The following KANK1 variants were observed in gnomAD, a reference collection of about 807,000 sequenced individuals.
KANK1 encodes the protein KN motif and ankyrin repeat domains 1, also known as KN motif and ankyrin repeat domain-containing protein 1.
Under a neutral mutation model 106.2 loss-of-function variants are expected in KANK1, and 109 were observed. The observed-to-expected ratio is 1.03, with a 90% CI of 0.88 to 1.20. The LOEUF is 1.20. Among genes scored for constraint, KANK1 ranks in the 50% most tolerant of loss-of-function variants. KANK1 has a pLI of 0.00. For missense variants in KANK1, 2,399 were observed against 1,710.7 expected, an observed-to-expected ratio of 1.40 and a Z score of -7.10; for synonymous variants, 873 against 652.2, an observed-to-expected ratio of 1.34 and a Z score of -5.16.
At chr9:679,050 A>C (rs1398118551) in intron 2 of KANK1, among the ~76,000 whole-genome samples, 1 of 152,136 alleles carries the variant, frequency 6.6e-6, no homozygotes, top group Non-Finnish European at 1.5e-5. Context: ...CCTGAGATCT[A>C]ATAAGCAAGC....
At chr9:696,133 A>C (rs1400427234) in intron 2 of KANK1, among the ~76,000 whole-genome samples, 1 of 151,882 alleles carries the variant, frequency 6.6e-6, no homozygotes, top group African/African-American at 2.4e-5. Flanking sequence ...AAATACAAAA[A>C]ATTAGCCGGG....
At chr9:512,305 G>C (rs891349188) in intron 1 of KANK1, among the ~76,000 whole-genome samples, 6 of 151,878 alleles carry the variant, frequency 4.0e-5, no homozygotes, top group African/African-American at 1.5e-4. Context: ...TATTCAGTTT[G>C]GAGGCGGGCT....
chr9:592,492 C>A (rs990917380), intron 1 of KANK1, among the ~76,000 whole-genome samples: 9 of 151,850 alleles, frequency 5.9e-5, no homozygotes, highest in Admixed American at 5.2e-4. Context: ...ATCCCCTAGT[C>A]CGCTCTTTCA....
In KANK1 at chr9:732,526, G is replaced by A; in HGVS notation, c.3154G>A (p.Ala1052Thr). ...TCGGGGAATGGCAGAAGGGCACCAT[G>A]CAGTTAATATTGAAGGTTTGAAGTC... is the stretch of plus-strand genomic sequence containing the variant. ...DTRGMAEGHH[A>T]VNIEGLKSAR... Residue 1052 changes from alanine to threonine, a missense_variant, in exon 6 of 12, where the codon GCA (alanine) becomes ACA (threonine). Transcript: ENST00000382297. 1 of 1,614,172 alleles carries A rather than the reference G, an allele frequency of 6.2e-7. No homozygotes were observed. The highest frequency in any genetic ancestry group is 1.1e-5 in the South Asian group (1 of 91,070).
chr9:544,228 C>T (rs1187164655), intron 1 of KANK1, among the ~76,000 whole-genome samples: 4 of 151,888 alleles, frequency 2.6e-5, no homozygotes, highest in Non-Finnish European at 5.9e-5. Flanking sequence ...GCCATGTTGC[C>T]CAGACTGGTC....
chr9:621,289 A>C (rs1833087969), intron 1 of KANK1, among the ~76,000 whole-genome samples: 1 of 152,200 alleles, frequency 6.6e-6, no homozygotes, highest in South Asian at 2.1e-4. Context: ...AGCTCTGCCA[A>C]AATTACATCA....
rs377332284 is a variant in KANK1 at position 507,162 on chromosome 9, C to T, written c.-84+2408C>T. 5.7e-5 allele frequency among the ~76,000 whole-genome samples: 8 copies of T among 140,600 alleles called. No individual in the cohort carries two copies. In the East Asian group the frequency reaches 8.1e-4, roughly 14 times the overall value. 92.2% of individuals were successfully genotyped at this position (140,600 alleles called of 152,430 possible). ...TTTTTTTTTTTTTGGTAATTTAGAA[C>T]ATTGACATAGCGAGACTCCGTCTCT... On this transcript the variant is annotated intron_variant, in intron 1 of 11. Coordinates refer to ENST00000382297, the MANE Select transcript of KANK1 (RefSeq NM_015158.5).
chr9:564,898 A>T (rs2134550873), intron 1 of KANK1, among the ~76,000 whole-genome samples: 1 of 152,326 alleles, frequency 6.6e-6, no homozygotes, highest in South Asian at 2.1e-4. Flanking sequence ...TCTGGTCCAC[A>T]CAGGTGACTG....
intron 1 of KANK1, among the ~76,000 whole-genome samples, chr9:575,508 GAAA>G (rs36033779): frequency 5.5e-5 from 7 of 128,312 alleles, no homozygotes; most frequent in Admixed American, 7.9e-5. Flanking sequence ...TCTCTACAGG[GAAA>G]AAAAAAAAAA....
chr9:689,300 G>C (rs1407062961), intron 2 of KANK1, among the ~76,000 whole-genome samples: 1 of 152,160 alleles, frequency 6.6e-6, no homozygotes, highest in Non-Finnish European at 1.5e-5. Context: ...AGGATAAGAA[G>C]ACAGAAGACT....
intron 3 of KANK1, among the ~76,000 whole-genome samples, chr9:716,916 G>C (rs188483943): frequency 6.6e-6 from 1 of 151,844 alleles, no homozygotes; most frequent in African/African-American, 2.4e-5. Flanking sequence ...AGGTTGATTT[G>C]AGGCTGCAGT....
chr9:704,908 A>G (rs1208922211), intron 2 of KANK1, among the ~76,000 whole-genome samples: 1 of 148,488 alleles, frequency 6.7e-6, no homozygotes, highest in Admixed American at 6.9e-5. Context: ...CGGGAGGATC[A>G]CTTGAGCCCA....
intron 3 of KANK1, among the ~76,000 whole-genome samples, chr9:492,444 CCT>C (rs999627457): frequency 2.6e-5 from 4 of 152,096 alleles, no homozygotes; most frequent in Admixed American, 6.6e-5. Context: ...GTTACTTAAA[CCT>C]CTCTGTGCTT....
At chr9:639,886 C>G (rs903446573) in intron 1 of KANK1, among the ~76,000 whole-genome samples, 6 of 152,148 alleles carry the variant, frequency 3.9e-5, no homozygotes, top group African/African-American at 1.4e-4. Flanking sequence ...GGCAAAAGAG[C>G]TAACAAGCTT....
chr9:584,156 A>C (rs1337358031), intron 1 of KANK1, among the ~76,000 whole-genome samples: 1 of 152,228 alleles, frequency 6.6e-6, no homozygotes, highest in Admixed American at 6.5e-5. Flanking sequence ...GGAATTTATT[A>C]AAATGGATTA....
intron 1 of KANK1, among the ~76,000 whole-genome samples, chr9:510,083 G>A (rs1409756992): frequency 6.6e-6 from 1 of 151,924 alleles, no homozygotes; most frequent in Non-Finnish European, 1.5e-5. Context: ...AAAGTGCTGG[G>A]ATTACAGGTG....
At chr9:682,108 C>T (rs1007113456) in intron 2 of KANK1, among the ~76,000 whole-genome samples, 5 of 151,758 alleles carry the variant, frequency 3.3e-5, no homozygotes, top group East Asian at 3.9e-4. Context: ...GGTGAAAACC[C>T]GTCTCTACTA....
intron 6 of KANK1, 136 bp from the exon 7 acceptor site, chr9:734,612 G>A (rs963897478): frequency 3.4e-6 from 2 of 584,860 alleles, no homozygotes; most frequent in Non-Finnish European, 6.2e-6. Context: ...GTTGCAGTGA[G>A]CCAAGATCAT....
chr9:554,537 G>A (rs906690795), intron 1 of KANK1, among the ~76,000 whole-genome samples: 3 of 152,120 alleles, frequency 2.0e-5, no homozygotes, highest in African/African-American at 2.4e-5. Context: ...AAAGCAAATC[G>A]GACTGATTTT....
Sources: gnomAD v4.1 joint callset for allele counts (sites outside exome capture counted in the v4.1 genomes callset) on GRCh38, gnomAD v4.1.1 for gene constraint, MANE v1.5 for transcripts, NCBI Gene and HGNC (gene_info 2026-07-23, HGNC 2026-07-21) for gene names.